The following FUT8 variants were observed in gnomAD, a reference collection of about 807,000 sequenced individuals.
FUT8 encodes fucosyltransferase 8.
A neutral mutation model predicts 71.3 loss-of-function variants in FUT8; 29 were observed. The observed-to-expected ratio is 0.41, with a 90% CI of 0.30 to 0.55. FUT8 has a LOEUF of 0.55. Among genes scored for constraint, FUT8 ranks in the 20% least tolerant of loss-of-function variants. The pLI, the probability that FUT8 is intolerant of heterozygous loss-of-function variation, is 0.34. For missense variants in FUT8, 544 were observed against 702.1 expected (o/e 0.77, Z 2.55); for synonymous variants, 254 against 239.3 (o/e 1.06, Z -0.57).
At chr14:65,634,033 C>T (rs1334533078) in intron 6 of FUT8, among the ~76,000 whole-genome samples, 9 of 152,230 alleles carry the variant, frequency 5.9e-5, no homozygotes, top group Non-Finnish European at 1.0e-4. Flanking sequence ...AGGAGCCCCT[C>T]TGCCCGGCCA....
chr14:65,621,396 C>G (rs1304750310), intron 5 of FUT8, among the ~76,000 whole-genome samples: 2 of 151,818 alleles, frequency 1.3e-5, no homozygotes, highest in Admixed American at 1.3e-4. Flanking sequence ...ACTACAGGCA[C>G]ACGCCACCAT....
chr14:65,584,391 G>T (rs1312840987), intron 3 of FUT8, among the ~76,000 whole-genome samples: 2 of 152,148 alleles, frequency 1.3e-5, no homozygotes, highest in African/African-American at 4.8e-5. Flanking sequence ...TGTTGGCCAG[G>T]CTGGTCTCGA....
intron 2 of FUT8, among the ~76,000 whole-genome samples, chr14:65,558,301 C>A: frequency 6.8e-6 from 1 of 146,114 alleles, no homozygotes; most frequent in Non-Finnish European, 1.5e-5. Flanking sequence ...CACTGCACTC[C>A]AGCCTGGGCA....
intron 1 of FUT8, among the ~76,000 whole-genome samples, chr14:65,429,722 G>T (rs1437575746): frequency 6.6e-6 from 1 of 151,936 alleles, no homozygotes; most frequent in South Asian, 2.1e-4. Flanking sequence ...AATCAGCCGG[G>T]TGTGGTGGTG....
chr14:65,680,283 C>T (rs1323752264), intron 7 of FUT8, among the ~76,000 whole-genome samples: 1 of 152,110 alleles, frequency 6.6e-6, no homozygotes, highest in Admixed American at 6.6e-5. Flanking sequence ...AGACAGATGA[C>T]CTAAAGATAT....
At chr14:65,633,911 C>G (rs571516288) in intron 6 of FUT8, among the ~76,000 whole-genome samples, 2 of 151,438 alleles carry the variant, frequency 1.3e-5, no homozygotes, top group East Asian at 3.9e-4. Context: ...TCAGCCCCCG[C>G]CCGGCCAGCT....
chr14:65,366,693 C>T, the FUT8 span, among the ~76,000 whole-genome samples: 2,612 of 152,234 alleles, frequency 0.017, 75 homozygotes, highest in African/African-American at 0.059. Context: ...ACTATAGTGT[C>T]GTATCTTAGA....
At chr14:65,517,818 A>G (rs191498978) in intron 2 of FUT8, among the ~76,000 whole-genome samples, 154 of 152,322 alleles carry the variant, frequency 1.0e-3, no homozygotes, top group Non-Finnish European at 1.9e-3. Context: ...TAAACAAGGT[A>G]AAAGTCATAA....
intron 6 of FUT8, among the ~76,000 whole-genome samples, chr14:65,667,570 A>G (rs1185616607): frequency 6.6e-6 from 1 of 152,220 alleles, no homozygotes; most frequent in African/African-American, 2.4e-5. Flanking sequence ...GGTAGGAAGA[A>G]TCAGTATCAT....
intron 7 of FUT8, among the ~76,000 whole-genome samples, chr14:65,715,651 T>C (rs901626793): frequency 6.6e-6 from 1 of 152,258 alleles, no homozygotes; most frequent in Non-Finnish European, 1.5e-5. Flanking sequence ...TTTGGTATGT[T>C]GTGTTTCCAT....
intron 2 of FUT8, chr14:65,468,425 C>A: frequency 2.7e-6 from 1 of 374,268 alleles, no homozygotes; most frequent in South Asian, 2.5e-5. Flanking sequence ...AAATATTTCA[C>A]TTCACTCTTT....
At chr14:65,582,208 G>A (rs2140115794) in intron 3 of FUT8, among the ~76,000 whole-genome samples, 1 of 152,096 alleles carries the variant, frequency 6.6e-6, no homozygotes, top group African/African-American at 2.4e-5. Context: ...AGTTATGGTT[G>A]TATATCCATA....
chr14:65,620,793 T>C (rs916526922), intron 5 of FUT8, among the ~76,000 whole-genome samples: 3 of 152,330 alleles, frequency 2.0e-5, no homozygotes, highest in Middle Eastern at 3.4e-3. Context: ...GAATTTCGGA[T>C]TTGTTTCAAC....
chr14:65,534,168 G>C (rs986329972), intron 2 of FUT8, among the ~76,000 whole-genome samples: 4 of 151,876 alleles, frequency 2.6e-5, no homozygotes, highest in African/African-American at 9.7e-5. Flanking sequence ...TTGTCACCCA[G>C]CCTGGAGTAC....
intron 2 of FUT8, chr14:65,471,104 G>A (rs779993613): frequency 3.0e-5 from 14 of 462,934 alleles, no homozygotes; most frequent in South Asian, 2.2e-4. Context: ...TGGTGGTAAG[G>A]GTAGAGGGAT....
intron 6 of FUT8, among the ~76,000 whole-genome samples, chr14:65,635,037 G>A (rs1237338208): frequency 1.3e-5 from 2 of 151,992 alleles, no homozygotes; most frequent in Non-Finnish European, 2.9e-5. Flanking sequence ...TCCTTGTAGA[G>A]GTCTTTTGCC....
At chr14:65,739,817 A>G (rs1252219811) in intron 10 of FUT8, among the ~76,000 whole-genome samples, 1 of 152,046 alleles carries the variant, frequency 6.6e-6, no homozygotes, top group East Asian at 1.9e-4. Flanking sequence ...TGAATTTACC[A>G]CTTATTAGTA....
chr14:65,575,172 A>G (rs918871473), intron 3 of FUT8, among the ~76,000 whole-genome samples: 21 of 152,002 alleles, frequency 1.4e-4, no homozygotes, highest in African/African-American at 4.3e-4. Context: ...TAAATTTGCA[A>G]GTAGTAAAGA....
chr14:65,536,553 A>C (rs1204916293), intron 2 of FUT8, among the ~76,000 whole-genome samples: 1 of 152,086 alleles, frequency 6.6e-6, no homozygotes, highest in Non-Finnish European at 1.5e-5. Context: ...TTGGAATATC[A>C]TTTCTTCAAG....
Sources: gnomAD v4.1 joint callset for allele counts (sites outside exome capture counted in the v4.1 genomes callset) on GRCh38, gnomAD v4.1.1 for gene constraint, MANE v1.5 for transcripts, NCBI Gene and HGNC (gene_info 2026-07-23, HGNC 2026-07-21) for gene names.